The following RTKN2 variants were observed in gnomAD, a reference collection of about 807,000 sequenced individuals.
RTKN2 encodes the protein rhotekin 2.
A neutral mutation model predicts 71.5 loss-of-function variants in RTKN2; 69 were observed. The ratio of observed to expected loss-of-function variants is 0.96; its 90% CI spans 0.79 to 1.18. RTKN2 has a LOEUF of 1.18. Among genes scored for constraint, RTKN2 ranks in the 50% most tolerant of loss-of-function variants. The pLI, the probability that RTKN2 is intolerant of heterozygous loss-of-function variation, is 0.00. For missense variants in RTKN2, 724 were observed against 719.7 expected, an observed-to-expected ratio of 1.01 and a Z score of -0.07; for synonymous variants, 236 against 236.5, an observed-to-expected ratio of 1.00 and a Z score of 0.02.
chr10:62,201,275 T>G (rs1351699138), intron 10 of RTKN2, among the ~76,000 whole-genome samples: 2 of 152,168 alleles, frequency 1.3e-5, no homozygotes, highest in African/African-American at 4.8e-5. Flanking sequence ...TAGTTGAATA[T>G]ACTCTCATAG....
intron 1 of RTKN2, among the ~76,000 whole-genome samples, chr10:62,263,228 G>A (rs560952109): frequency 6.6e-6 from 1 of 152,144 alleles, no homozygotes; most frequent in Non-Finnish European, 1.5e-5. Context: ...AATGACTAGT[G>A]TCCTTAAAGA....
At chr10:62,216,554 A>G (rs10740064) in intron 9 of RTKN2, among the ~76,000 whole-genome samples, 115,302 of 151,900 alleles carry the variant, frequency 0.76, 43,853 homozygotes, top group East Asian at 0.9. Flanking sequence ...GCTAGATTTC[A>G]ATAGTCTCCT....
At chr10:62,190,435 G>C (rs1320164193), downstream of RTKN2, among the ~76,000 whole-genome samples, 1 of 152,042 alleles carries the variant, frequency 6.6e-6, no homozygotes, top group Non-Finnish European at 1.5e-5. Flanking sequence ...ACTACCTCAT[G>C]GGGTTAAAAC....
rs200719773 is a variant in RTKN2 at position 62,198,144 on chromosome 10, T to G, written c.1594A>C (p.Lys532Gln). 4.3e-6 allele frequency: 7 copies of G among 1,614,074 alleles called. No individual in the cohort carries two copies. In the African/African-American group the frequency reaches 5.3e-5, roughly 12 times the overall value. The change falls in exon 12 of 12, where the codon AAA (lysine) becomes CAA (glutamine). Residue 532 changes from lysine (K) to glutamine (Q), a missense_variant. Lys to Gln is a moderately conservative substitution (Grantham distance 53). Coordinates refer to ENST00000373789, the MANE Select transcript of RTKN2 (RefSeq NM_145307.4). ...GACGATGTCTGAGATACACTTGTTTTTCCCCAGTTGTCCTTAACCAATTGA... is the reference window on the plus strand; with the variant it reads ...GACGATGTCTGAGATACACTTGTTTGTCCCCAGTTGTCCTTAACCAATTGA... ...TDQLVKDNWG[K>Q]TSVSQTSSLD...
At chr10:62,201,626 C>T (rs930586605) in intron 10 of RTKN2, among the ~76,000 whole-genome samples, 5 of 152,216 alleles carry the variant, frequency 3.3e-5, no homozygotes, top group East Asian at 3.9e-4. Context: ...AACTGGCACA[C>T]TTTTCTGTCA....
At position 62,241,122 on chromosome 10, in the gene RTKN2, C is replaced by T. The variant is rs752673756; in HGVS notation, c.370+20G>A. On this transcript the variant is annotated intron_variant, in intron 4 of 11. Transcript: ENST00000373789. The stretch of plus-strand genomic sequence containing the variant: ...CATACTAAAGAAAACATTTCAATTA[C>T]AAATTAAAATCATACATACGTTCTT... The T allele has an allele frequency of 2.1e-6, 3 of 1,410,778 alleles. No individual in the cohort carries two copies. The highest frequency in any genetic ancestry group is 2.9e-5 in the African/African-American group (2 of 69,722). The allele number at this position is 1,410,778 out of a possible 1,614,324, so 87.4% of individuals were successfully genotyped here. A position where few individuals can be genotyped will look rare whatever the true frequency, so the allele number is the denominator to read the frequency against.
In RTKN2 at chr10:62,193,316, G is replaced by A; in HGVS notation, c.*4592C>T. ...ACATTAAGAGATTACCATGTCTCAA[G>A]AGCAAACTGCTGGAATTTAAAACAC... On this transcript the variant is annotated 3_prime_UTR_variant, in exon 12 of 12. Coordinates refer to ENST00000373789, the MANE Select transcript of RTKN2 (RefSeq NM_145307.4). The A allele has an allele frequency of 1.0e-6, 1 of 980,562 alleles. No individual in the cohort carries two copies. The highest frequency in any genetic ancestry group is 1.2e-6 in the Non-Finnish European group (1 of 825,552). The allele number at this position is 980,562 out of a possible 1,614,324, so 60.7% of individuals were successfully genotyped here.
chr10:62,198,331 A>C lies in RTKN2; in HGVS notation c.1407T>G (p.Pro469=). The C allele has an allele frequency of 6.2e-7, 1 of 1,613,912 alleles. No homozygotes were observed. The highest frequency in any genetic ancestry group is 8.5e-7 in the Non-Finnish European group (1 of 1,179,854). Residue 469 remains proline (P), a synonymous_variant, in exon 12 of 12, where the codon CCT becomes CCG. Transcript: ENST00000373789. ...GGTTACCATCAAAGAGTGTGGCCCA[A>C]GGAGGTGGTAAGGATTCTTCATGCT... ...IGQHEESLPP[P]WATLFDGNHQ... is the part of the protein sequence containing the mutation.
intron 1 of RTKN2, among the ~76,000 whole-genome samples, chr10:62,264,283 C>T (rs1054735680): frequency 6.6e-6 from 1 of 152,174 alleles, no homozygotes; most frequent in Admixed American, 6.5e-5. Flanking sequence ...GTACTATTTA[C>T]ACACAGAAAA....
chr10:62,194,590 A>T lies in RTKN2; in HGVS notation c.*3318T>A. ...GTGCAATGCAGTACTCTGTCCATGT[A>T]GTATAGTTGTGCCTCATTCGTGGTA... On this transcript the variant is annotated 3_prime_UTR_variant, in exon 12 of 12. Coordinates refer to ENST00000373789, the MANE Select transcript of RTKN2 (RefSeq NM_145307.4). The T allele has an allele frequency of 1.0e-6, 1 of 985,464 alleles. No individual in the cohort carries two copies. 61.0% of individuals were successfully genotyped at this position (985,464 alleles called of 1,614,324 possible).
At position 62,193,164 on chromosome 10, in the gene RTKN2, A is replaced by G. The variant is rs1469650306; in HGVS notation, c.*4744T>C. The G allele has an allele frequency of 1.3e-6, 1 of 750,966 alleles. No homozygotes were observed. The highest frequency in any genetic ancestry group is 1.9e-5 in the African/African-American group (1 of 52,684). The allele number at this position is 750,966 out of a possible 1,614,324, so 46.5% of individuals were successfully genotyped here. A position where few individuals can be genotyped will look rare whatever the true frequency, so the allele number is the denominator to read the frequency against. The stretch of plus-strand genomic sequence containing the variant: ...TTTTGAGTAGATAAACAAAATATAA[A>G]AATATTTTTAAGCAAGACACCAAAA... On this transcript the variant is annotated 3_prime_UTR_variant, in exon 12 of 12. Coordinates refer to ENST00000373789, the MANE Select transcript of RTKN2 (RefSeq NM_145307.4).
chr10:62,264,851 T>C (rs1323390671), intron 1 of RTKN2, among the ~76,000 whole-genome samples: 1 of 143,168 alleles, frequency 7.0e-6, no homozygotes, highest in Non-Finnish European at 1.5e-5. Context: ...TTTTTTTTTT[T>C]ACAGTTCCTC....
chr10:62,187,803 T>C (rs1841160480), intron 8 of RTKN2, among the ~76,000 whole-genome samples: 2 of 152,128 alleles, frequency 1.3e-5, no homozygotes, highest in Admixed American at 6.5e-5. Flanking sequence ...ATGAGGATGC[T>C]CCCCAATACT....
chr10:62,253,256 GA>G (rs1465912902), intron 2 of RTKN2, among the ~76,000 whole-genome samples: 1 of 152,160 alleles, frequency 6.6e-6, no homozygotes, highest in African/African-American at 2.4e-5. Context: ...GACAACAACA[GA>G]AGGACACTTT....
intron 6 of RTKN2, among the ~76,000 whole-genome samples, chr10:62,235,676 G>GTC (rs903479136): frequency 2.3e-4 from 17 of 72,576 alleles, no homozygotes; most frequent in African/African-American, 7.8e-4. Flanking sequence ...GTGTGTGTGT[G>GTC]TGTGTGTGTG....
At chr10:62,225,432 CA>C (rs2132930715) in intron 6 of RTKN2, among the ~76,000 whole-genome samples, 1 of 152,336 alleles carries the variant, frequency 6.6e-6, no homozygotes, top group African/African-American at 2.4e-5. Context: ...TGTCTCTACA[CA>C]AATCAAAGTT....
chr10:62,263,067 T>C (rs1055937670), intron 1 of RTKN2, among the ~76,000 whole-genome samples: 6 of 152,200 alleles, frequency 3.9e-5, no homozygotes, highest in African/African-American at 1.4e-4. Context: ...AGAAACATTA[T>C]GTGTTCTTAT....
At chr10:62,211,091 CA>C (rs1841650028) in intron 9 of RTKN2, among the ~76,000 whole-genome samples, 1 of 152,102 alleles carries the variant, frequency 6.6e-6, no homozygotes, top group Admixed American at 6.5e-5. Flanking sequence ...GGCTTGATCT[CA>C]AAGACTCACA....
intron 6 of RTKN2, among the ~76,000 whole-genome samples, chr10:62,224,239 G>A (rs192333496): frequency 2.6e-4 from 39 of 152,138 alleles, no homozygotes; most frequent in African/African-American, 9.4e-4. Flanking sequence ...AGCTTGAGAA[G>A]ATGAAAAACT....
Sources: gnomAD v4.1 joint callset for allele counts (sites outside exome capture counted in the v4.1 genomes callset) on GRCh38, gnomAD v4.1.1 for gene constraint, MANE v1.5 for transcripts, NCBI Gene and HGNC (gene_info 2026-07-23, HGNC 2026-07-21) for gene names.